FRMPD2: variants seen among roughly 807,000 people sequenced by gnomAD.
FRMPD2 encodes the protein FERM and PDZ domain containing 2.
In FRMPD2, 96 loss-of-function variants were observed where a neutral mutation model predicts 140.1. The ratio of observed to expected loss-of-function variants is 0.69; its 90% confidence interval spans 0.58 to 0.81. The LOEUF (loss-of-function observed/expected upper bound fraction) is 0.81, where lower values mean the gene tolerates loss of function less well. Ranked by LOEUF, FRMPD2 falls within the 40% of genes least tolerant of loss-of-function variation. The pLI is 0.00. For synonymous variants in FRMPD2, 449 were observed against 547.6 expected, an observed-to-expected ratio of 0.82 and a Z score of 2.52; for missense variants, 1,240 against 1,447.4, an observed-to-expected ratio of 0.86 and a Z score of 2.32.
rs1352410683 is a variant in FRMPD2 at position 48,232,002 on chromosome 10, G to A, written c.1168+113C>T. 4.4e-6 allele frequency: 4 copies of A among 909,884 alleles called. No homozygotes were observed. In the East Asian group the frequency reaches 9.8e-5, roughly 22 times the overall value. 56.4% of individuals were successfully genotyped at this position (909,884 alleles called of 1,614,324 possible). On this transcript the variant is annotated intron_variant, in intron 10 of 28. Transcript: ENST00000374201. ...GCTGACTAATGTCTAGGCATACAAA[G>A]GGAGGCACCCAAGTCTCAAACAGTT...
At position 48,184,619 on chromosome 10, in the gene FRMPD2, C is replaced by T. The variant is rs745624663; in HGVS notation, c.2531G>A (p.Arg844Lys). 15 of 1,613,782 alleles carry T rather than the reference C, an allele frequency of 9.3e-6. No homozygotes were observed. The East Asian group carries it at 3.1e-4, about 34-fold the overall frequency. Residue 844 changes from arginine (R) to lysine (K), a missense_variant, in exon 20 of 29, where the codon AGG becomes AAG. This residue lies in a region of FRMPD2 where 1,161 missense variants were observed against 1,055.9 expected (regional missense o/e 1.10). Coordinates refer to ENST00000374201, the MANE Select transcript of FRMPD2 (RefSeq NM_001018071.4). ...LEGFTFNMAV[R>K]MIQNSPDNIE... ...GTTGTCAGGGGAATTCTGGATCATC[C>T]TAACAGCCATGTTGAATGTGAAGCC...
Position 48,206,785 on chromosome 10 carries a change from C to G in FRMPD2, c.1760G>C (p.Arg587Pro), listed in dbSNP as rs537706878. ...VKNNSRIAML[R>P]FQWRETGKIS... ...CTTCCCGGTTTCTCTCCACTGAAAC[C>G]GTAACATTGCAATTCTGCTGTTGTT... Residue 587 changes from arginine to proline, a missense_variant, in exon 14 of 29, where the codon CGG becomes CCG. This residue lies in a region of FRMPD2 where 1,161 missense variants were observed against 1,055.9 expected (regional missense o/e 1.10). Coordinates refer to ENST00000374201, the MANE Select transcript of FRMPD2 (RefSeq NM_001018071.4). The G allele has an allele frequency of 3.1e-6, 5 of 1,614,054 alleles. No homozygotes were observed. The East Asian group carries it at 8.9e-5, about 29-fold the overall frequency.
At chr10:48,170,753 T>C (rs1195669558) in intron 26 of FRMPD2, among the ~76,000 whole-genome samples, 12 of 151,506 alleles carry the variant, frequency 7.9e-5, no homozygotes, top group African/African-American at 2.9e-4. Context: ...CAGGGCTTTA[T>C]CTTCAGCTTC....
In FRMPD2 at chr10:48,266,777, T is replaced by TGATA. The variant is rs1840685078; in HGVS notation, c.25+7762_25+7765dup. Among the ~76,000 whole-genome samples the TGATA allele has an allele frequency of 7.9e-5, 12 of 152,332 alleles. No individual in the cohort carries two copies. In the South Asian group the frequency reaches 2.5e-3, roughly 32 times the overall value. ...ACCCTAGACTTCCACTTTCCTCTGG[T>TGATA]GATAACAAGATGCCCCTTGGCCTCC... On this transcript the variant is annotated intron_variant, in intron 1 of 28. Coordinates refer to ENST00000374201, the MANE Select transcript of FRMPD2 (RefSeq NM_001018071.4).
chr10:48,180,301 A>G (rs1453215162), intron 21 of FRMPD2, among the ~76,000 whole-genome samples: 1 of 152,208 alleles, frequency 6.6e-6, no homozygotes, highest in African/African-American at 2.4e-5. Flanking sequence ...CTGGGAATCC[A>G]AAGAGACGGC....
At chr10:48,226,152 T>C (rs969145539) in intron 10 of FRMPD2, among the ~76,000 whole-genome samples, 8 of 152,218 alleles carry the variant, frequency 5.3e-5, no homozygotes, top group African/African-American at 1.9e-4. Flanking sequence ...GCTTGTTTTT[T>C]CCTTAGAATT....
chr10:48,220,889 G>GTA (rs1447556333), intron 12 of FRMPD2, among the ~76,000 whole-genome samples: 4 of 152,040 alleles, frequency 2.6e-5, no homozygotes, highest in Admixed American at 2.6e-4. Flanking sequence ...CCACAATGTG[G>GTA]TACCACCTCA....
chr10:48,206,968 G>T (rs202014757), intron 13 of FRMPD2, 35 bp from the exon 14 acceptor site: 6 of 1,599,796 alleles, frequency 3.8e-6, no homozygotes, highest in East Asian at 2.2e-5. Context: ...GAAGAGACAG[G>T]CACATGGTTT....
At chr10:48,238,776 G>C (rs774339450) in intron 7 of FRMPD2, among the ~76,000 whole-genome samples, 2 of 152,178 alleles carry the variant, frequency 1.3e-5, no homozygotes, top group Non-Finnish European at 2.9e-5. Context: ...TCCTAAGTTA[G>C]ACAATTGCAA....
chr10:48,263,514 A>C (rs761979553), intron 1 of FRMPD2, among the ~76,000 whole-genome samples: 7 of 152,170 alleles, frequency 4.6e-5, no homozygotes, highest in Non-Finnish European at 1.5e-5. Flanking sequence ...GGATATTAAA[A>C]AGGATAATAT....
chr10:48,244,464 A>G (rs2131954246), intron 4 of FRMPD2, among the ~76,000 whole-genome samples: 1 of 152,326 alleles, frequency 6.6e-6, no homozygotes, highest in South Asian at 2.1e-4. Flanking sequence ...TTTAAAATAT[A>G]TGTAAATCTG....
intron 16 of FRMPD2, 70 bp from the exon 17 acceptor site, chr10:48,187,362 G>T: frequency 1.5e-6 from 2 of 1,327,028 alleles, no homozygotes; most frequent in Non-Finnish European, 2.1e-6. Context: ...AGATAAGGTG[G>T]CTCAGGGAGG....
In FRMPD2 at chr10:48,232,284, T is replaced by G; in HGVS notation, c.999A>C (p.Lys333Asn). 6.2e-7 allele frequency: 1 copy of G among 1,609,250 alleles called. No individual in the cohort carries two copies. Among genetic ancestry groups the G allele is most frequent in the Non-Finnish European group, 8.5e-7 (1 of 1,177,244 alleles). The change falls in exon 10 of 29, where the codon AAA becomes AAC. Residue 333 changes from lysine (K) to asparagine (N), a missense_variant. Around this residue, in one of 6 missense-constraint regions of FRMPD2, gnomAD observed 1,161 missense variants for 1,055.9 expected, o/e 1.10. Coordinates refer to ENST00000374201, the MANE Select transcript of FRMPD2 (RefSeq NM_001018071.4). ...TLHLPGSVVT[K>N]KGKSYLALRD... The stretch of plus-strand genomic sequence containing the variant: ...TGAGAGCCAAATAGGATTTCCCTTT[T>G]TTGGTCTGAAAACAACAACAGTATC...
rs1380815691 is a variant in FRMPD2, at chr10:48,274,656, G to A, written c.-89C>T. On this transcript the variant is annotated 5_prime_UTR_variant, in exon 1 of 29. Coordinates refer to ENST00000374201, the MANE Select transcript of FRMPD2 (RefSeq NM_001018071.4). ...GGTCTCTTGCAAGTCTGTCCGCGGA[G>A]CTCCCTGCCACCAGCACTGTTGCCG... The A allele has an allele frequency of 1.3e-5, 16 of 1,243,400 alleles. No homozygotes were observed. In the East Asian group the frequency reaches 3.5e-4, roughly 27 times the overall value. The allele number at this position is 1,243,400 out of a possible 1,614,324, so 77.0% of individuals were successfully genotyped here.
At chr10:48,202,737 G>A (rs1381063872) in intron 14 of FRMPD2, among the ~76,000 whole-genome samples, 1 of 152,246 alleles carries the variant, frequency 6.6e-6, no homozygotes, top group East Asian at 1.9e-4. Flanking sequence ...ACACTGATAG[G>A]CTTTCATGCA....
chr10:48,242,449 G>A lies in FRMPD2; in HGVS notation c.376-97C>T, dbSNP rs1044177956. On this transcript the variant is annotated intron_variant, in intron 4 of 28. Coordinates refer to ENST00000374201, the MANE Select transcript of FRMPD2 (RefSeq NM_001018071.4). ...GCAGGCCTTGGAGACATGGAAACGG[G>A]TGTTCCCACAAGCACCAGAGCAGAT... is the stretch of plus-strand genomic sequence containing the variant. 6.5e-6 allele frequency: 7 copies of A among 1,070,516 alleles called. No homozygotes were observed. In the Admixed American group the frequency reaches 7.1e-5, roughly 11 times the overall value. The allele number at this position is 1,070,516 out of a possible 1,614,324, so 66.3% of individuals were successfully genotyped here.
At chr10:48,200,442 T>A (rs1446097333) in intron 15 of FRMPD2, among the ~76,000 whole-genome samples, 4 of 152,218 alleles carry the variant, frequency 2.6e-5, no homozygotes, top group African/African-American at 9.6e-5. Flanking sequence ...ATTGGGAACC[T>A]AGGTGGGAGT....
intron 14 of FRMPD2, 23 bp downstream of exon 14, chr10:48,206,725 T>G (rs1407557162): frequency 6.3e-7 from 1 of 1,599,820 alleles, no homozygotes; most frequent in East Asian, 2.2e-5. Context: ...GTGCAGGTTA[T>G]TTATCAACTG....
At chr10:48,236,581 A>G (rs1272094035) in intron 8 of FRMPD2, 28 bp from the exon 9 acceptor site, 2 of 1,604,912 alleles carry the variant, frequency 1.2e-6, no homozygotes, top group East Asian at 4.5e-5. Flanking sequence ...CATATGGTAG[A>G]GAAGACAACA....
Sources: allele counts gnomAD v4.1 joint callset (sites outside exome capture counted in the v4.1 genomes callset), GRCh38; gene constraint gnomAD v4.1.1; regional missense constraint gnomAD v4.1.1; transcripts MANE v1.5; gene names NCBI Gene and HGNC (gene_info 2026-07-23, HGNC 2026-07-21).